Variants in PDS5A observed in about 807,000 individuals in gnomAD.
PDS5A encodes the protein PDS5 cohesin associated factor A.
A neutral mutation model predicts 167.1 loss-of-function variants in PDS5A; 42 were observed. The observed-to-expected ratio is 0.25, with a 90% CI of 0.20 to 0.33. The LOEUF (loss-of-function observed/expected upper bound fraction) is 0.33, where lower values mean the gene tolerates loss of function less well. Ranked by LOEUF, PDS5A falls within the 10% of genes least tolerant of loss-of-function variation. PDS5A has a pLI of 1.00. For synonymous variants in PDS5A, 553 were observed against 554.6 expected, an observed-to-expected ratio of 1.00 and a Z score of 0.04; for missense variants, 1,033 against 1,605.9, an observed-to-expected ratio of 0.64 and a Z score of 6.10.
intron 2 of PDS5A, among the ~76,000 whole-genome samples, chr4:39,946,827 C>A (rs918567914): frequency 6.6e-6 from 1 of 152,084 alleles, no homozygotes; most frequent in Non-Finnish European, 1.5e-5. Flanking sequence ...GCAGGAGAAT[C>A]GCTTCAACCC....
At chr4:39,919,932 A>C (rs2109711177) in intron 7 of PDS5A, among the ~76,000 whole-genome samples, 1 of 152,078 alleles carries the variant, frequency 6.6e-6, no homozygotes, top group Non-Finnish European at 1.5e-5. Flanking sequence ...TGTAATCTTA[A>C]AAAAATAAAA....
At chr4:39,845,121 T>C (rs935241303) in intron 29 of PDS5A, among the ~76,000 whole-genome samples, 4 of 152,032 alleles carry the variant, frequency 2.6e-5, no homozygotes, top group Admixed American at 6.6e-5. Context: ...GGCATGAGAA[T>C]TGCCTGAACC....
At chr4:39,941,579 G>C (rs1560503266) in intron 2 of PDS5A, among the ~76,000 whole-genome samples, 1 of 152,140 alleles carries the variant, frequency 6.6e-6, no homozygotes, top group Non-Finnish European at 1.5e-5. Flanking sequence ...GGTGGTGCAG[G>C]AGCACAGTTA....
At chr4:39,968,872 T>G (rs1018904773) in intron 2 of PDS5A, among the ~76,000 whole-genome samples, 1 of 151,232 alleles carries the variant, frequency 6.6e-6, no homozygotes, top group Non-Finnish European at 1.5e-5. Flanking sequence ...GCCTCCCAGG[T>G]TCAAGGGATT....
intron 11 of PDS5A, 57 bp downstream of exon 11, chr4:39,908,338 T>TAA: frequency 2.3e-6 from 3 of 1,293,788 alleles, no homozygotes; most frequent in Non-Finnish European, 1.1e-6. Flanking sequence ...TGATACCCAA[T>TAA]TGTATTTAGC....
At chr4:39,941,833 A>AGCCCTTGAG (rs1019563982) in intron 2 of PDS5A, among the ~76,000 whole-genome samples, 2 of 152,142 alleles carry the variant, frequency 1.3e-5, no homozygotes, top group Non-Finnish European at 2.9e-5. Flanking sequence ...AAGAGGGAGG[A>AGCCCTTGAG]GCCCTTGAGG....
Position 39,892,161 on chromosome 4 carries a change from C to T in PDS5A, c.1771-1797G>A, listed in dbSNP as rs138926721. ...AAGCTCAAAGATTATGGTATTAGGC[C>T]GGGTGCAGTGGCTCATGCCTATAAT... On this transcript the variant is annotated intron_variant, in intron 16 of 32. Coordinates refer to ENST00000303538, the MANE Select transcript of PDS5A (RefSeq NM_001100399.2). Among the ~76,000 whole-genome samples the T allele has an allele frequency of 4.5e-3, 688 of 152,094 alleles. 3 individuals are homozygous for T. Among genetic ancestry groups the T allele is most frequent in the Non-Finnish European group, 6.4e-3 (433 of 67,968 alleles).
rs114893516 is a variant in PDS5A, at chr4:39,898,651, T to A, written c.1631-123A>T. 780 of 934,674 alleles carry A rather than the reference T, an allele frequency of 8.3e-4. 3 individuals are homozygous for A. In the African/African-American group the frequency reaches 0.012, roughly 14 times the overall value. 57.9% of individuals were successfully genotyped at this position (934,674 alleles called of 1,614,324 possible). A position where few individuals can be genotyped will look rare whatever the true frequency, so the allele number is the denominator to read the frequency against. On this transcript the variant is annotated intron_variant, in intron 15 of 32. Transcript: ENST00000303538. ...AAAAGAAAATCAGCCTAGCTGGTTC[T>A]TAGAAACAAAATTAAGATAAAGATT...
chr4:39,875,415 TAAAAC>T (rs1434623690), intron 19 of PDS5A, among the ~76,000 whole-genome samples: 1 of 152,148 alleles, frequency 6.6e-6, no homozygotes, highest in Non-Finnish European at 1.5e-5. Context: ...ATAAAATTGA[TAAAAC>T]GAAACAAACA....
Position 39,838,079 on chromosome 4 carries a change from G to C in PDS5A, c.3787C>G (p.Pro1263Ala). 6.2e-7 allele frequency: 1 copy of C among 1,613,928 alleles called. No homozygotes were observed. Among genetic ancestry groups the C allele is most frequent in the East Asian group, 2.2e-5 (1 of 44,880 alleles). ...CCTCTCCTGGGTTTGGAAGGGGCGGGAGGTCCCGATTCATCTACTTTCTCA... is the reference window on the plus strand; with the variant it reads ...CCTCTCCTGGGTTTGGAAGGGGCGGCAGGTCCCGATTCATCTACTTTCTCA... The part of the protein sequence containing the change: ...TDEKVDESGP[P>A]APSKPRRGRR... Residue 1263 changes from proline (P) to alanine (A), a missense_variant, in exon 32 of 33, where the codon CCC (proline) becomes GCC (alanine). Pro to Ala is a conservative substitution (Grantham distance 27, BLOSUM62 -1). This residue lies in a region of PDS5A where 233 missense variants were observed against 264.0 expected (regional missense o/e 0.88). Transcript: ENST00000303538.
At chr4:39,903,109 T>G (rs1228507685) in intron 12 of PDS5A, among the ~76,000 whole-genome samples, 2 of 152,256 alleles carry the variant, frequency 1.3e-5, no homozygotes, top group Non-Finnish European at 2.9e-5. Flanking sequence ...TAACGCAACA[T>G]ATAAAGCTAT....
At chr4:39,932,526 G>A (rs1322937864) in intron 2 of PDS5A, 3 of 217,160 alleles carry the variant, frequency 1.4e-5, no homozygotes, top group Non-Finnish European at 3.1e-5. Flanking sequence ...GGTATCTTCC[G>A]ATGGTCATGA....
In PDS5A at chr4:39,890,241, T is replaced by G. The variant is rs1171984315; in HGVS notation, c.1886+8A>C. On this transcript the variant is annotated splice_region_variant and intron_variant, in intron 17 of 32. Transcript: ENST00000303538. ...TTTATTTTTGAGCGAATATACTTCT[T>G]GGCTTACCTTATGGCTTCTGAATCA... The G allele has an allele frequency of 2.2e-5, 31 of 1,397,706 alleles. No individual in the cohort carries two copies. Among genetic ancestry groups the G allele is most frequent in the Non-Finnish European group, 2.9e-5 (29 of 1,008,386 alleles). 86.6% of individuals were successfully genotyped at this position (1,397,706 alleles called of 1,614,324 possible).
intron 2 of PDS5A, among the ~76,000 whole-genome samples, chr4:39,968,574 A>T (rs1160071666): frequency 6.6e-6 from 1 of 151,642 alleles, no homozygotes; most frequent in Admixed American, 6.6e-5. Flanking sequence ...CTGAGATTAC[A>T]GGCATGCGCC....
At chr4:39,832,433 T>A (rs1366090980) in intron 32 of PDS5A, among the ~76,000 whole-genome samples, 2 of 151,958 alleles carry the variant, frequency 1.3e-5, no homozygotes, top group African/African-American at 4.8e-5. Context: ...CAGGATGGTC[T>A]CGATCTCCTG....
chr4:39,875,445 T>C (rs1054906646), intron 19 of PDS5A, among the ~76,000 whole-genome samples: 1 of 152,162 alleles, frequency 6.6e-6, no homozygotes, highest in Non-Finnish European at 1.5e-5. Context: ...AGGAAAGATA[T>C]TTGTCATATA....
chr4:39,912,602 T>G (rs1386971864), intron 9 of PDS5A, among the ~76,000 whole-genome samples: 1 of 152,270 alleles, frequency 6.6e-6, no homozygotes, highest in East Asian at 1.9e-4. Flanking sequence ...TATGGTGAAT[T>G]TACATCAAGA....
At chr4:39,947,829 G>A (rs1241342515) in intron 2 of PDS5A, among the ~76,000 whole-genome samples, 2 of 152,032 alleles carry the variant, frequency 1.3e-5, no homozygotes, top group Non-Finnish European at 2.9e-5. Context: ...ATTCATGAGG[G>A]ACTGGCCCCA....
intron 8 of PDS5A, among the ~76,000 whole-genome samples, chr4:39,915,164 G>C (rs1724247793): frequency 6.6e-6 from 1 of 151,426 alleles, no homozygotes; most frequent in South Asian, 2.1e-4. Flanking sequence ...TTAGCCTCCT[G>C]AGTAGCTGGA....
Sources: allele counts gnomAD v4.1 joint callset (sites outside exome capture counted in the v4.1 genomes callset), GRCh38; gene constraint gnomAD v4.1.1; regional missense constraint gnomAD v4.1.1; transcripts MANE v1.5; gene names NCBI Gene and HGNC (gene_info 2026-07-23, HGNC 2026-07-21).